RAB38: variants seen among roughly 807,000 people sequenced by gnomAD.
The protein encoded by RAB38 is RAB38, member RAS oncogene family.
Under a neutral mutation model 18.4 loss-of-function variants are expected in RAB38, and 15 were observed. That is an observed-to-expected ratio of 0.82 (90% CI 0.55 to 1.26). RAB38 has a LOEUF of 1.26. Ranked by LOEUF, RAB38 falls within the 50% of genes most tolerant of loss-of-function variation. The pLI is 0.00. For synonymous variants in RAB38, 101 were observed against 104.4 expected (o/e 0.97, Z 0.20); for missense variants, 294 against 267.4 (o/e 1.10, Z -0.69).
the RAB38 span, among the ~76,000 whole-genome samples, chr11:87,887,023 C>T: frequency 6.6e-6 from 1 of 151,898 alleles, no homozygotes; most frequent in African/African-American, 2.4e-5. Flanking sequence ...CCCCAAACCC[C>T]ATGAAATGGG....
chr11:87,899,015 C>T, the RAB38 span, among the ~76,000 whole-genome samples: 1 of 151,642 alleles, frequency 6.6e-6, no homozygotes, highest in Non-Finnish European at 1.5e-5. Context: ...AACACTTAGG[C>T]AGGACTTTTG....
the RAB38 span, among the ~76,000 whole-genome samples, chr11:88,004,578 C>T: frequency 2.0e-5 from 3 of 151,248 alleles, no homozygotes; most frequent in Non-Finnish European, 3.0e-5. Flanking sequence ...GCAGGGCAAG[C>T]ATTGTCGGTA....
At position 88,149,802 on chromosome 11, in the gene RAB38, G is replaced by A. The variant is rs762740402; in HGVS notation, c.356C>T (p.Pro119Leu). The change falls in exon 2 of 3, where the codon CCG (proline) becomes CTG (leucine). Residue 119 changes from proline to leucine, a missense_variant. Transcript: ENST00000243662. The part of the protein sequence containing the change: ...DSKLSLPNGK[P>L]VSVVLLANKC... ...GTTGGCCAACAAAACCACTGAAACC[G>A]GTTTGCCATTAGGGAGACTTAACTT... The A allele has an allele frequency of 9.9e-6, 16 of 1,613,994 alleles. No individual in the cohort carries two copies. Among genetic ancestry groups the A allele is most frequent in the Admixed American group, 6.7e-5 (4 of 59,996 alleles).
chr11:87,876,748 A>G, the RAB38 span, among the ~76,000 whole-genome samples: 2,026 of 151,522 alleles, frequency 0.013, 43 homozygotes, highest in African/African-American at 0.047. Context: ...GTATGAGACT[A>G]CTCTTCAAAC....
At chr11:87,842,816 G>GCACA in the RAB38 span, among the ~76,000 whole-genome samples, 44 of 147,350 alleles carry the variant, frequency 3.0e-4, 3 homozygotes, top group Admixed American at 1.4e-3. Flanking sequence ...ACACGCGCGC[G>GCACA]CACACACACA....
the RAB38 span, among the ~76,000 whole-genome samples, chr11:88,052,346 A>G: frequency 6.6e-6 from 1 of 152,220 alleles, no homozygotes; most frequent in Non-Finnish European, 1.5e-5. Context: ...CGTCCCAAAA[A>G]GTGAAGAGGA....
At chr11:87,958,128 G>A in the RAB38 span, among the ~76,000 whole-genome samples, 1 of 152,142 alleles carries the variant, frequency 6.6e-6, no homozygotes. Context: ...CTTTGTCACT[G>A]GCAGCCACTG....
the RAB38 span, among the ~76,000 whole-genome samples, chr11:87,867,463 C>A: frequency 6.6e-6 from 1 of 151,704 alleles, no homozygotes; most frequent in South Asian, 2.1e-4. Context: ...TAGCTAAAAA[C>A]CAAATCTACT....
At chr11:88,139,131 A>T (rs925336978) in intron 2 of RAB38, among the ~76,000 whole-genome samples, 1 of 152,158 alleles carries the variant, frequency 6.6e-6, no homozygotes, top group Non-Finnish European at 1.5e-5. Flanking sequence ...TGACAATTTT[A>T]TGATGACTGA....
intron 2 of RAB38, among the ~76,000 whole-genome samples, chr11:88,144,408 T>G (rs1031600209): frequency 6.6e-6 from 1 of 152,198 alleles, no homozygotes; most frequent in Non-Finnish European, 1.5e-5. Flanking sequence ...CCTGAGTTCT[T>G]CCTGGAGAGG....
the RAB38 span, among the ~76,000 whole-genome samples, chr11:87,933,530 C>T: frequency 6.6e-6 from 1 of 152,050 alleles, no homozygotes; most frequent in Non-Finnish European, 1.5e-5. Flanking sequence ...GAAAAACAAA[C>T]TCTCAACTGC....
the RAB38 span, among the ~76,000 whole-genome samples, chr11:88,026,112 G>A: frequency 0.19 from 28,640 of 151,726 alleles, 3,804 homozygotes; most frequent in African/African-American, 0.36. Flanking sequence ...TTACAGGCAC[G>A]CACCACCACG....
chr11:88,033,789 G>A, the RAB38 span, among the ~76,000 whole-genome samples: 10 of 146,220 alleles, frequency 6.8e-5, no homozygotes, highest in African/African-American at 1.3e-4. Context: ...GTACAGTGGC[G>A]CAATCTCAGC....
the RAB38 span, among the ~76,000 whole-genome samples, chr11:87,947,009 A>G: frequency 6.6e-6 from 1 of 151,976 alleles, no homozygotes; most frequent in Non-Finnish European, 1.5e-5. Context: ...TCCCACCAAC[A>G]GTGTAAAAGT....
chr11:88,023,014 G>C, the RAB38 span, among the ~76,000 whole-genome samples: 1 of 152,144 alleles, frequency 6.6e-6, no homozygotes. Flanking sequence ...TATAGAGTGA[G>C]AGGAAGGAGA....
intron 2 of RAB38, among the ~76,000 whole-genome samples, chr11:88,140,369 C>A (rs145812382): frequency 1.3e-5 from 2 of 152,154 alleles, no homozygotes; most frequent in East Asian, 1.9e-4. Flanking sequence ...ATACTCCGCA[C>A]GGGCAGGGCC....
intron 2 of RAB38, among the ~76,000 whole-genome samples, chr11:88,146,097 T>G (rs1942981605): frequency 6.6e-6 from 1 of 152,212 alleles, no homozygotes. Context: ...CTTAATTCAC[T>G]TGCCAGCCAG....
the RAB38 span, among the ~76,000 whole-genome samples, chr11:88,071,395 G>A: frequency 6.6e-6 from 1 of 152,092 alleles, no homozygotes; most frequent in African/African-American, 2.4e-5. Flanking sequence ...TACTGTTTCT[G>A]GGAGAGTGAC....
chr11:87,819,346 G>GC, the RAB38 span, among the ~76,000 whole-genome samples: 1 of 152,136 alleles, frequency 6.6e-6, no homozygotes, highest in Middle Eastern at 3.2e-3. Flanking sequence ...TGCAGATGTA[G>GC]TGCTACCAAG....
Sources: gnomAD v4.1 joint callset for allele counts (sites outside exome capture counted in the v4.1 genomes callset) on GRCh38, gnomAD v4.1.1 for gene constraint, MANE v1.5 for transcripts, NCBI Gene and HGNC (gene_info 2026-07-23, HGNC 2026-07-21) for gene names.